TAS2R1: variants seen among roughly 807,000 people sequenced by gnomAD.
TAS2R1 encodes the protein taste 2 receptor member 1.
For missense variants in TAS2R1, 370 were observed against 353.4 expected (o/e 1.05, Z -0.38); for synonymous variants, 141 against 134.2 (o/e 1.05, Z -0.35).
chr5:9,866,352 C>T, the TAS2R1 span, among the ~76,000 whole-genome samples: 2 of 152,070 alleles, frequency 1.3e-5, no homozygotes, highest in African/African-American at 2.4e-5. Context: ...TTCTAATTGT[C>T]TATGGGTCTG....
the TAS2R1 span, among the ~76,000 whole-genome samples, chr5:9,787,564 T>C: frequency 1.3e-5 from 2 of 152,234 alleles, no homozygotes; most frequent in African/African-American, 4.8e-5. Context: ...TGCTGATCTC[T>C]CTAATCAATC....
At chr5:9,854,478 C>T in the TAS2R1 span, 2 of 152,088 alleles carry the variant, frequency 1.3e-5, no homozygotes, top group Admixed American at 6.5e-5. Context: ...CAGTCTGTAG[C>T]GTCTTCTTCA....
the TAS2R1 span, among the ~76,000 whole-genome samples, chr5:9,859,347 T>A: frequency 6.6e-6 from 1 of 152,146 alleles, no homozygotes; most frequent in African/African-American, 2.4e-5. Flanking sequence ...GCTGAAGGAA[T>A]TAGAAACAGC....
intron 1 of TAS2R1, among the ~76,000 whole-genome samples, chr5:9,664,553 CT>C (rs1352347451): frequency 2.6e-5 from 4 of 152,188 alleles, no homozygotes; most frequent in African/African-American, 9.7e-5. Flanking sequence ...TGAAAGTTGC[CT>C]CTAGAAGATG....
the TAS2R1 span, among the ~76,000 whole-genome samples, chr5:9,756,942 T>C: frequency 2.6e-5 from 4 of 152,206 alleles, no homozygotes; most frequent in African/African-American, 9.6e-5. Flanking sequence ...GTTTGTTCTC[T>C]GGATTTTTCT....
At chr5:9,770,918 C>A in the TAS2R1 span, among the ~76,000 whole-genome samples, 1 of 152,072 alleles carries the variant, frequency 6.6e-6, no homozygotes, top group Non-Finnish European at 1.5e-5. Context: ...CTAATTAGGA[C>A]TTCTAGTACT....
At chr5:9,638,255 T>C (rs754813700) in intron 2 of TAS2R1, among the ~76,000 whole-genome samples, 7 of 152,200 alleles carry the variant, frequency 4.6e-5, no homozygotes, top group Non-Finnish European at 7.3e-5. Flanking sequence ...AGGGGATGTC[T>C]GCAAAGAGTC....
At chr5:9,846,856 T>C in the TAS2R1 span, among the ~76,000 whole-genome samples, 2 of 152,232 alleles carry the variant, frequency 1.3e-5, no homozygotes, top group African/African-American at 4.8e-5. Context: ...ACCCTTTTTA[T>C]GCTTCCAACT....
chr5:9,886,579 C>T, the TAS2R1 span, among the ~76,000 whole-genome samples: 23 of 151,968 alleles, frequency 1.5e-4, no homozygotes, highest in Non-Finnish European at 2.8e-4. Flanking sequence ...GATGATCCGC[C>T]CACCTCGGCC....
At chr5:9,880,566 T>G in the TAS2R1 span, among the ~76,000 whole-genome samples, 1 of 152,332 alleles carries the variant, frequency 6.6e-6, no homozygotes, top group African/African-American at 2.4e-5. Context: ...CATTTCTGAA[T>G]GCTCAGCAGC....
the TAS2R1 span, among the ~76,000 whole-genome samples, chr5:9,810,433 G>A: frequency 6.6e-6 from 1 of 152,156 alleles, no homozygotes; most frequent in Non-Finnish European, 1.5e-5. Context: ...ACAGATTAAA[G>A]ATAAATTCTT....
At chr5:9,848,512 T>A in the TAS2R1 span, among the ~76,000 whole-genome samples, 149,983 of 152,288 alleles carry the variant, frequency 0.98, 73,880 homozygotes, top group East Asian at 1. Flanking sequence ...TAAGCTCTGG[T>A]CATCTATTGT....
intron 2 of TAS2R1, among the ~76,000 whole-genome samples, chr5:9,637,274 T>C (rs1253009653): frequency 2.0e-5 from 3 of 152,188 alleles, no homozygotes; most frequent in Non-Finnish European, 4.4e-5. Context: ...TTCTGGCTTG[T>C]AAGGTTTTTG....
chr5:9,890,469 A>G, the TAS2R1 span, among the ~76,000 whole-genome samples: 1 of 152,066 alleles, frequency 6.6e-6, no homozygotes, highest in Non-Finnish European at 1.5e-5. Flanking sequence ...TGTAATCATT[A>G]TTATCTTTTC....
chr5:9,761,012 CA>C, the TAS2R1 span: 4 of 152,262 alleles, frequency 2.6e-5, no homozygotes, highest in Admixed American at 1.3e-4. Flanking sequence ...TCTTCATTCA[CA>C]AATGATATGA....
chr5:9,834,411 T>C, the TAS2R1 span, among the ~76,000 whole-genome samples: 1 of 152,230 alleles, frequency 6.6e-6, no homozygotes, highest in Non-Finnish European at 1.5e-5. Flanking sequence ...TGTTCACAAT[T>C]GTGATTTTAA....
intron 1 of TAS2R1, among the ~76,000 whole-genome samples, chr5:9,671,370 T>G (rs1371537246): frequency 2.0e-5 from 3 of 152,066 alleles, no homozygotes; most frequent in African/African-American, 4.8e-5. Flanking sequence ...TGACAGACAA[T>G]ATGATTTACA....
At chr5:9,824,612 C>T in the TAS2R1 span, among the ~76,000 whole-genome samples, 7,781 of 152,040 alleles carry the variant, frequency 0.051, 290 homozygotes, top group East Asian at 0.18. Context: ...TTTGGGGGGC[C>T]GAGGCAGGTG....
At chr5:9,885,901 T>C in the TAS2R1 span, among the ~76,000 whole-genome samples, 5 of 152,046 alleles carry the variant, frequency 3.3e-5, no homozygotes, top group African/African-American at 1.2e-4. Flanking sequence ...GAAAAAATAT[T>C]TGGGGGAAGA....
Sources: gnomAD v4.1 joint callset for allele counts (sites outside exome capture counted in the v4.1 genomes callset) on GRCh38, gnomAD v4.1.1 for gene constraint, MANE v1.5 for transcripts, NCBI Gene and HGNC (gene_info 2026-07-23, HGNC 2026-07-21) for gene names.